The following KANSL1L variants were observed in gnomAD, a reference collection of about 807,000 sequenced individuals.
The protein encoded by KANSL1L is KAT8 regulatory NSL complex subunit 1 like, also known as KAT8 regulatory NSL complex subunit 1-like protein.
In KANSL1L, 25 loss-of-function variants were observed where a neutral mutation model predicts 108.6. The observed-to-expected ratio is 0.23, with a 90% CI of 0.17 to 0.32. The LOEUF is 0.32. Ranked by LOEUF, KANSL1L falls within the 10% of genes least tolerant of loss-of-function variation. The probability of loss-of-function intolerance (pLI) is 1.00; values close to 1 mark genes in which losing one functional copy is unlikely to be tolerated. For synonymous variants in KANSL1L, 405 were observed against 395.1 expected (o/e 1.03, Z -0.30); for missense variants, 1,137 against 1,125.7 (o/e 1.01, Z -0.14).
intron 5 of KANSL1L, among the ~76,000 whole-genome samples, chr2:210,079,646 A>ATATGTGTGTG (rs2094570173): frequency 7.6e-5 from 1 of 13,128 alleles, no homozygotes; most frequent in Non-Finnish European, 1.3e-4. Context: ...ATATATATAT[A>ATATGTGTGTG]TATATATATA....
At chr2:210,032,925 G>A (rs552661115) in intron 8 of KANSL1L, 11 of 152,290 alleles carry the variant, frequency 7.2e-5, no homozygotes, top group African/African-American at 2.6e-4. Flanking sequence ...AGAGAAACAG[G>A]TAAGAGGCCC....
rs2093872854 is a variant in KANSL1L at position 210,022,378 on chromosome 2, CT to C, written c.*570del. On this transcript the variant is annotated 3_prime_UTR_variant, in exon 15 of 15. Coordinates refer to ENST00000281772, the MANE Select transcript of KANSL1L (RefSeq NM_152519.4). ...TCAGATGTCTTTTATTAGTGGAAAC[CT>C]GTGTTTTATCTATTCTGCAGCTTAC... The C allele has an allele frequency of 6.6e-6, 1 of 152,542 alleles. No individual in the cohort carries two copies. 9.4% of individuals were successfully genotyped at this position (152,542 alleles called of 1,614,324 possible).
At chr2:210,163,901 T>G (rs1416998907) in intron 1 of KANSL1L, among the ~76,000 whole-genome samples, 1 of 152,118 alleles carries the variant, frequency 6.6e-6, no homozygotes, top group Non-Finnish European at 1.5e-5. Flanking sequence ...TAATAAATAT[T>G]TCTTGAACAA....
At position 210,162,734 on chromosome 2, in the gene KANSL1L, T is replaced by C. The variant is rs1025143377; in HGVS notation, c.-29-8123A>G. 2.5e-4 allele frequency among the ~76,000 whole-genome samples: 36 copies of C among 142,946 alleles called. 1 individual carries two copies. The highest frequency in any genetic ancestry group is 8.2e-4 in the African/African-American group (32 of 39,054). The allele number at this position is 142,946 out of a possible 152,430, so 93.8% of individuals were successfully genotyped here. A position where few individuals can be genotyped will look rare whatever the true frequency, so the allele number is the denominator to read the frequency against. On this transcript the variant is annotated intron_variant, in intron 1 of 14. Transcript: ENST00000281772. ...AAGAAAACTGAAAAGATCATCGAGA[T>C]AGGAGGAAATCCAGAAGTGTATGAA...
At chr2:210,030,860 ATTTC>A (rs893484233) in intron 9 of KANSL1L, 1 of 152,030 alleles carries the variant, frequency 6.6e-6, no homozygotes, top group African/African-American at 2.4e-5. Context: ...GTAGTATGAC[ATTTC>A]TTTATTTTAT....
intron 2 of KANSL1L, among the ~76,000 whole-genome samples, chr2:210,134,064 T>C (rs188424426): frequency 6.7e-4 from 102 of 152,262 alleles, no homozygotes; most frequent in Non-Finnish European, 1.3e-3. Flanking sequence ...TGACTTTTTT[T>C]CCCCACCTTT....
intron 5 of KANSL1L, among the ~76,000 whole-genome samples, chr2:210,095,558 T>A (rs533250592): frequency 6.6e-6 from 1 of 152,294 alleles, no homozygotes; most frequent in South Asian, 2.1e-4. Context: ...TCTATGTTTC[T>A]GGTTAAATAG....
intron 1 of KANSL1L, among the ~76,000 whole-genome samples, chr2:210,157,695 A>G (rs967423444): frequency 2.7e-5 from 3 of 112,596 alleles, no homozygotes; most frequent in Admixed American, 8.2e-5. Flanking sequence ...GTCACAGAAA[A>G]AAAAAAAAAA....
intron 6 of KANSL1L, chr2:210,064,241 A>T (rs935347222): frequency 6.6e-6 from 1 of 152,170 alleles, no homozygotes; most frequent in African/African-American, 2.4e-5. Context: ...TCCTGTATAA[A>T]TTACCCAGTT....
At chr2:210,075,410 A>AT (rs746212331) in intron 6 of KANSL1L, 142 bp downstream of exon 6, 2 of 618,752 alleles carry the variant, frequency 3.2e-6, no homozygotes, top group Non-Finnish European at 2.8e-6. Flanking sequence ...CTACTATATC[A>AT]TTTTTAAACT....
At chr2:210,148,358 T>C (rs1487237725) in intron 2 of KANSL1L, among the ~76,000 whole-genome samples, 1 of 152,216 alleles carries the variant, frequency 6.6e-6, no homozygotes, top group African/African-American at 2.4e-5. Flanking sequence ...TAGAATTCTA[T>C]GGCTCTACCA....
rs145739293 is a variant in KANSL1L at position 210,098,179 on chromosome 2, C to T, written c.1457G>A (p.Ser486Asn). 208 of 1,612,420 alleles carry T rather than the reference C, an allele frequency of 1.3e-4. No individual in the cohort carries two copies. The African/African-American group carries it at 2.6e-3, about 20-fold the overall frequency. Reference sequence around the variant, plus strand: ...GGACAAGTTGAGAGGGGCAATCAAACTGTTGATGATCTCAGTCAACTGTGC... The same window carrying T: ...GGACAAGTTGAGAGGGGCAATCAAATTGTTGATGATCTCAGTCAACTGTGC... ...QSAQLTEIIN[S>N]LIAPLNLSPT... Residue 486 changes from serine (S) to asparagine (N), a missense_variant, in exon 5 of 15, where the codon AGT becomes AAT. Physicochemically the swap from Ser to Asn is conservative, Grantham distance 46 (BLOSUM62 1). Transcript: ENST00000281772.
intron 8 of KANSL1L, among the ~76,000 whole-genome samples, chr2:210,038,345 T>TA (rs2125170180): frequency 6.6e-6 from 1 of 152,072 alleles, no homozygotes; most frequent in Non-Finnish European, 1.5e-5. Context: ...TATAAAAAAA[T>TA]ACGTAGTTTA....
chr2:210,028,934 A>C lies in KANSL1L; in HGVS notation c.2307T>G (p.Ser769=). 3 of 1,610,264 alleles carry C rather than the reference A, an allele frequency of 1.9e-6. No homozygotes were observed. Among genetic ancestry groups the C allele is most frequent in the Non-Finnish European group, 2.5e-6 (3 of 1,177,262 alleles). ...TARRRLRSES[S]YDIDNIVIPM... is the part of the protein sequence containing the mutation. ...GAATCACAATGTTATCTATGTCATA[A>C]GAGCTCTCACTTCTCAATCTCCGTC... The change falls in exon 11 of 15, where the codon TCT becomes TCG. Residue 769 remains serine, a synonymous_variant. Transcript: ENST00000281772.
chr2:210,103,276 C>A (rs1167274924), intron 4 of KANSL1L, among the ~76,000 whole-genome samples: 1 of 150,386 alleles, frequency 6.6e-6, no homozygotes, highest in Non-Finnish European at 1.5e-5. Context: ...ATGAGAAGAA[C>A]ACTTGGACAC....
At chr2:210,153,396 G>T in intron 2 of KANSL1L, 99 bp downstream of exon 2, 68 of 861,374 alleles carry the variant, frequency 7.9e-5, no homozygotes, top group Middle Eastern at 2.5e-4. Flanking sequence ...ATAGCATTAA[G>T]ATTTTAGAAA....
chr2:210,132,741 T>C (rs970031984), intron 2 of KANSL1L, among the ~76,000 whole-genome samples: 1 of 152,222 alleles, frequency 6.6e-6, no homozygotes, highest in Non-Finnish European at 1.5e-5. Flanking sequence ...AGGATTTTTC[T>C]TTGCATCTAT....
chr2:210,132,016 A>T (rs1055514966), intron 2 of KANSL1L, among the ~76,000 whole-genome samples: 4 of 152,148 alleles, frequency 2.6e-5, no homozygotes, highest in Non-Finnish European at 4.4e-5. Flanking sequence ...TTTTCTGTAG[A>T]GGGTAACTTA....
At chr2:210,125,906 TTAAGA>T (rs1263314164) in intron 3 of KANSL1L, among the ~76,000 whole-genome samples, 7 of 152,138 alleles carry the variant, frequency 4.6e-5, no homozygotes, top group Non-Finnish European at 1.0e-4. Flanking sequence ...ATTTCTCCTC[TTAAGA>T]TCAGGAACAA....
Sources: gnomAD v4.1 joint callset for allele counts (sites outside exome capture counted in the v4.1 genomes callset) on GRCh38, gnomAD v4.1.1 for gene constraint, MANE v1.5 for transcripts, NCBI Gene and HGNC (gene_info 2026-07-23, HGNC 2026-07-21) for gene names.